The following MOB3A variants were observed in gnomAD, a reference collection of about 807,000 sequenced individuals.
MOB3A encodes MOB LAK.
In MOB3A, 17 loss-of-function variants were observed where a neutral mutation model predicts 17.8. The ratio of observed to expected loss-of-function variants is 0.95; its 90% CI spans 0.65 to 1.43. MOB3A has a LOEUF of 1.43. MOB3A is among the 40% of genes most tolerant of loss of function. MOB3A has a pLI of 0.00. For missense variants in MOB3A, 333 were observed against 310.8 expected, an observed-to-expected ratio of 1.07 and a Z score of -0.54; for synonymous variants, 124 against 133.2, an observed-to-expected ratio of 0.93 and a Z score of 0.48.
At chr19:2,096,452 T>C, upstream of MOB3A, 1 of 157,478 alleles carries the variant, frequency 6.4e-6, no homozygotes, top group African/African-American at 2.4e-5. Flanking sequence ...CCCGCGGGCT[T>C]TAAGGGGCCC....
chr19:2,094,341 C>T (rs771381799), intron 1 of MOB3A, among the ~76,000 whole-genome samples: 44 of 152,270 alleles, frequency 2.9e-4, no homozygotes, highest in Non-Finnish European at 5.1e-4. Flanking sequence ...ACGACTGCGC[C>T]GGGCCACCCT....
At chr19:2,074,429 C>T (rs1330982708) in intron 4 of MOB3A, among the ~76,000 whole-genome samples, 1 of 152,104 alleles carries the variant, frequency 6.6e-6, no homozygotes, top group African/African-American at 2.4e-5. Flanking sequence ...AAGAGGAAGA[C>T]CCCACTACCA....
At chr19:2,076,730 G>T in intron 4 of MOB3A, 81 bp downstream of exon 4, 2 of 1,449,256 alleles carry the variant, frequency 1.4e-6, no homozygotes, top group Non-Finnish European at 1.9e-6. Context: ...AGCAGTCAGG[G>T]TCCTGGCCCC....
At chr19:2,078,015 G>T in intron 3 of MOB3A, 125 bp downstream of exon 3, 1 of 1,021,284 alleles carries the variant, frequency 9.8e-7, no homozygotes, top group Non-Finnish European at 1.4e-6. Flanking sequence ...AAACTCCTGG[G>T]CTCAAGCGAT....
chr19:2,081,274 T>C (rs1349180860), intron 2 of MOB3A, among the ~76,000 whole-genome samples: 1 of 151,802 alleles, frequency 6.6e-6, no homozygotes. Flanking sequence ...GGGGAAGAGA[T>C]GCTGCATTGT....
chr19:2,073,647 G>C (rs554526490), intron 4 of MOB3A, among the ~76,000 whole-genome samples: 1 of 152,080 alleles, frequency 6.6e-6, no homozygotes, highest in Non-Finnish European at 1.5e-5. Context: ...TGGGCCAGAC[G>C]GTCCCTGTCA....
chr19:2,073,862 C>G (rs2017370913), intron 4 of MOB3A, among the ~76,000 whole-genome samples: 1 of 152,102 alleles, frequency 6.6e-6, no homozygotes, highest in South Asian at 2.1e-4. Context: ...GAAATCCTGT[C>G]TCTACTAAAA....
chr19:2,080,524 C>A (rs570905027), intron 2 of MOB3A, among the ~76,000 whole-genome samples: 2 of 152,036 alleles, frequency 1.3e-5, no homozygotes, highest in Non-Finnish European at 2.9e-5. Flanking sequence ...ACTACAGGCA[C>A]GTGCAACCAC....
At chr19:2,077,401 CAA>C (rs972118505) in intron 3 of MOB3A, among the ~76,000 whole-genome samples, 3 of 134,800 alleles carry the variant, frequency 2.2e-5, no homozygotes, top group Admixed American at 7.6e-5. Context: ...GACACTGTCT[CAA>C]AAAAAAAAAG....
At chr19:2,085,012 C>T (rs1296439835) in intron 2 of MOB3A, among the ~76,000 whole-genome samples, 163 bp downstream of exon 2, 1 of 152,144 alleles carries the variant, frequency 6.6e-6, no homozygotes, top group Non-Finnish European at 1.5e-5. Context: ...ACGTGAGCCA[C>T]CATGTCCGGC....
At chr19:2,075,279 T>G (rs1176359776) in intron 4 of MOB3A, among the ~76,000 whole-genome samples, 1 of 152,160 alleles carries the variant, frequency 6.6e-6, no homozygotes, top group Non-Finnish European at 1.5e-5. Flanking sequence ...ATTCTCCCTC[T>G]TTGGCCTCCC....
chr19:2,077,225 ACCCC>A (rs1328644785), intron 3 of MOB3A, among the ~76,000 whole-genome samples: 4 of 151,884 alleles, frequency 2.6e-5, no homozygotes, highest in African/African-American at 9.7e-5. Flanking sequence ...ACATGGAGAA[ACCCC>A]ATCTTTACTA....
At chr19:2,094,887 TG>T (rs763169562) in intron 1 of MOB3A, among the ~76,000 whole-genome samples, 3 of 152,168 alleles carry the variant, frequency 2.0e-5, no homozygotes, top group Non-Finnish European at 4.4e-5. Context: ...AAAAGCAGTG[TG>T]GGCCGGGCGC....
intron 1 of MOB3A, among the ~76,000 whole-genome samples, chr19:2,094,155 T>C (rs2017643522): frequency 1.3e-5 from 2 of 151,020 alleles, no homozygotes; most frequent in Admixed American, 1.3e-4. Context: ...CATGCCATTC[T>C]CTTGCCTCAG....
intron 2 of MOB3A, among the ~76,000 whole-genome samples, chr19:2,081,846 T>C (rs1278174036): frequency 2.0e-5 from 3 of 152,208 alleles, no homozygotes; most frequent in Non-Finnish European, 4.4e-5. Flanking sequence ...GTCGGGCCTC[T>C]GTACTCCAGC....
intron 1 of MOB3A, chr19:2,090,009 T>G (rs537235140): frequency 6.6e-6 from 1 of 152,432 alleles, no homozygotes; most frequent in Admixed American, 6.5e-5. Context: ...TCAGCTAGAT[T>G]GGCAGCTTCC....
At chr19:2,091,311 G>A (rs910959580) in intron 1 of MOB3A, among the ~76,000 whole-genome samples, 29 of 152,176 alleles carry the variant, frequency 1.9e-4, no homozygotes, top group Non-Finnish European at 3.1e-4. Context: ...ATGAGACACA[G>A]GCTCTGACAC....
At chr19:2,089,854 T>C (rs545132707) in intron 1 of MOB3A, among the ~76,000 whole-genome samples, 79 of 151,710 alleles carry the variant, frequency 5.2e-4, no homozygotes, top group African/African-American at 1.8e-3. Flanking sequence ...TCCTGGGCAC[T>C]GCAGGTGCTG....
chr19:2,088,395 C>T (rs55851985), intron 1 of MOB3A, among the ~76,000 whole-genome samples: 15,581 of 152,232 alleles, frequency 0.1, 1,014 homozygotes, highest in Middle Eastern at 0.15. Context: ...CCTCAACCTC[C>T]GGGGCTCAAG....
Sources: allele counts gnomAD v4.1 joint callset (sites outside exome capture counted in the v4.1 genomes callset), GRCh38; gene constraint gnomAD v4.1.1; transcripts MANE v1.5; gene names NCBI Gene and HGNC (gene_info 2026-07-23, HGNC 2026-07-21).